BAZ2B: variants seen among roughly 807,000 people sequenced by gnomAD.
BAZ2B encodes the protein bromodomain adjacent to zinc finger domain protein 2B.
A neutral mutation model predicts 246.0 loss-of-function variants in BAZ2B; 91 were observed. The observed-to-expected ratio is 0.37, with a 90% CI of 0.31 to 0.44. The LOEUF (loss-of-function observed/expected upper bound fraction) is 0.44. Among genes scored for constraint, BAZ2B ranks in the 20% least tolerant of loss-of-function variants. BAZ2B has a pLI of 1.00. For missense variants in BAZ2B, 2,332 were observed against 2,533.7 expected, an observed-to-expected ratio of 0.92 and a Z score of 1.71; for synonymous variants, 855 against 860.0, an observed-to-expected ratio of 0.99 and a Z score of 0.10.
At chr2:159,325,037 TA>T in intron 35 of BAZ2B, 83 bp from the exon 36 acceptor site, 2 of 26,612 alleles carry the variant, frequency 7.5e-5, no homozygotes. Flanking sequence ...AGTTATTATA[TA>T]TATATTATAT....
intron 1 of BAZ2B, among the ~76,000 whole-genome samples, chr2:159,557,944 G>A (rs2089397885): frequency 6.6e-6 from 1 of 152,060 alleles, no homozygotes; most frequent in Non-Finnish European, 1.5e-5. Flanking sequence ...GGCAGGGGGT[G>A]ATGGGAAAGC....
intron 13 of BAZ2B, among the ~76,000 whole-genome samples, chr2:159,421,173 CA>C (rs893273936): frequency 8.1e-6 from 1 of 123,398 alleles, no homozygotes; most frequent in Non-Finnish European, 1.9e-5. Flanking sequence ...TCTTTCTTTA[CA>C]TTTTTTTTTT....
intron 3 of BAZ2B, among the ~76,000 whole-genome samples, chr2:159,464,914 C>T (rs1318377444): frequency 1.3e-5 from 2 of 152,140 alleles, no homozygotes; most frequent in Admixed American, 1.3e-4. Context: ...CTTACCTTAA[C>T]CTAAATCTTG....
intron 2 of BAZ2B, among the ~76,000 whole-genome samples, chr2:159,491,327 T>C (rs998127674): frequency 6.6e-6 from 1 of 152,222 alleles, no homozygotes; most frequent in Non-Finnish European, 1.5e-5. Context: ...GTTTCTAAAC[T>C]AATGATTGCT....
chr2:159,513,759 C>T (rs912178431), intron 2 of BAZ2B, among the ~76,000 whole-genome samples: 1 of 152,162 alleles, frequency 6.6e-6, no homozygotes, highest in Non-Finnish European at 1.5e-5. Context: ...GTCCATGACT[C>T]CTTACATATA....
chr2:159,526,158 T>G lies in BAZ2B; in HGVS notation c.-3+29665A>C, dbSNP rs184481341. ...TAGAGAAAGAAATGTAAAAATTGTATTGTAGAAGTAAAATTTATTGGACTT... is the reference window on the plus strand; with the variant it reads ...TAGAGAAAGAAATGTAAAAATTGTAGTGTAGAAGTAAAATTTATTGGACTT... On this transcript the variant is annotated intron_variant, in intron 2 of 36. Transcript: ENST00000392783. 4.6e-5 allele frequency among the ~76,000 whole-genome samples: 7 copies of G among 152,272 alleles called. No individual in the cohort carries two copies. In the East Asian group the frequency reaches 1.2e-3, roughly 25 times the overall value.
At chr2:159,649,392 G>A in the BAZ2B span, among the ~76,000 whole-genome samples, 2 of 152,106 alleles carry the variant, frequency 1.3e-5, no homozygotes, top group African/African-American at 4.8e-5. Context: ...AATAGGGTTT[G>A]TGTTCCTGTG....
chr2:159,350,105 G>A lies in BAZ2B; in HGVS notation c.4466C>T (p.Pro1489Leu), dbSNP rs562144780. 4.9e-5 allele frequency: 79 copies of A among 1,614,064 alleles called. No homozygotes were observed. In the African/African-American group the frequency reaches 9.9e-4, roughly 20 times the overall value. The change falls in exon 28 of 37, where the codon CCA becomes CTA. Residue 1489 changes from proline to leucine, a missense_variant. Coordinates refer to ENST00000392783, the MANE Select transcript of BAZ2B (RefSeq NM_013450.4). The stretch of plus-strand genomic sequence containing the variant: ...CGTGCACCCATTTGCACCAGCATTT[G>A]GTTTGGGGGTCATAACCTCTGACTC... ...PPESEVMTPK[P>L]NAGANGCTLS...
chr2:159,449,426 T>C (rs1003813862), intron 4 of BAZ2B, among the ~76,000 whole-genome samples: 2 of 152,172 alleles, frequency 1.3e-5, no homozygotes, highest in Non-Finnish European at 2.9e-5. Context: ...CAATACAGTA[T>C]GGGAGAAACT....
At chr2:159,380,337 T>A (rs2061853280) in intron 25 of BAZ2B, among the ~76,000 whole-genome samples, 1 of 152,202 alleles carries the variant, frequency 6.6e-6, no homozygotes. Flanking sequence ...TACAGCCTGG[T>A]AGGTGTGCTC....
At chr2:159,698,664 A>G in the BAZ2B span, among the ~76,000 whole-genome samples, 1 of 152,124 alleles carries the variant, frequency 6.6e-6, no homozygotes, top group Non-Finnish European at 1.5e-5. Flanking sequence ...TCATATATTA[A>G]GAATGTTTAG....
chr2:159,421,484 C>T (rs556640611), intron 13 of BAZ2B, among the ~76,000 whole-genome samples: 6 of 152,006 alleles, frequency 3.9e-5, no homozygotes, highest in Admixed American at 6.5e-5. Context: ...CTTTTATCCC[C>T]GTTTCATTTG....
intron 13 of BAZ2B, among the ~76,000 whole-genome samples, chr2:159,422,347 A>G (rs549557798): frequency 2.6e-5 from 4 of 152,336 alleles, no homozygotes; most frequent in African/African-American, 9.6e-5. Context: ...CAACTATACT[A>G]CAAGGCTACA....
chr2:159,328,758 G>C (rs1003166644), intron 34 of BAZ2B, among the ~76,000 whole-genome samples: 1 of 152,114 alleles, frequency 6.6e-6, no homozygotes, highest in African/African-American at 2.4e-5. Flanking sequence ...GTGTATCTAA[G>C]AGTGTATATT....
rs376569654 is a variant in BAZ2B, at chr2:159,432,980, C to A, written c.1677G>T (p.Leu559=). The A allele has an allele frequency of 6.2e-7, 1 of 1,614,148 alleles. No homozygotes were observed. Among genetic ancestry groups the A allele is most frequent in the East Asian group, 2.2e-5 (1 of 44,882 alleles). The change falls in exon 9 of 37, where the codon CTG becomes CTT. Residue 559 remains leucine, a synonymous_variant. Transcript: ENST00000392783. ...TPVMPSASPI[L]HSQGKEKAVS... ...CTGCTTTTTCCTTCCCTTGACTATG[C>A]AGGATGGGAGAGGCAGAGGGCATTA... is the stretch of plus-strand genomic sequence containing the variant.
chr2:159,386,688 A>G, intron 21 of BAZ2B, 81 bp from the exon 22 acceptor site: 1 of 1,404,284 alleles, frequency 7.1e-7, no homozygotes, highest in Non-Finnish European at 9.5e-7. Flanking sequence ...CTAAAGTAAA[A>G]TAAGCTGCTA....
At chr2:159,579,390 C>T (rs1472920626) in intron 1 of BAZ2B, among the ~76,000 whole-genome samples, 1 of 152,148 alleles carries the variant, frequency 6.6e-6, no homozygotes, top group African/African-American at 2.4e-5. Flanking sequence ...AGTTGAATCC[C>T]TGAATAGATC....
At chr2:159,614,331 T>C (rs539561311) in intron 1 of BAZ2B, among the ~76,000 whole-genome samples, 16 of 152,202 alleles carry the variant, frequency 1.1e-4, no homozygotes, top group Non-Finnish European at 1.9e-4. Flanking sequence ...AAATAACTTT[T>C]AAAATCAATT....
intron 1 of BAZ2B, among the ~76,000 whole-genome samples, chr2:159,578,451 G>A (rs1474569726): frequency 6.6e-6 from 1 of 152,098 alleles, no homozygotes; most frequent in Non-Finnish European, 1.5e-5. Context: ...TTCCCAAAAT[G>A]AGAGACAAAC....
Sources: gnomAD v4.1 joint callset for allele counts (sites outside exome capture counted in the v4.1 genomes callset) on GRCh38, gnomAD v4.1.1 for gene constraint, MANE v1.5 for transcripts, NCBI Gene and HGNC (gene_info 2026-07-23, HGNC 2026-07-21) for gene names.